Variants in SLC19A1 observed in about 807,000 individuals in gnomAD.
SLC19A1 encodes reduced folate transporter.
SLC19A1 carries 37 observed loss-of-function variants against 35.3 expected under a neutral mutation model. The ratio of observed to expected loss-of-function variants is 1.05; its 90% CI spans 0.81 to 1.38. The LOEUF (loss-of-function observed/expected upper bound fraction) is 1.38. Ranked by LOEUF, SLC19A1 falls within the 40% of genes most tolerant of loss-of-function variation. SLC19A1 has a pLI of 0.00. For synonymous variants in SLC19A1, 460 were observed against 398.5 expected (o/e 1.15, Z -1.84); for missense variants, 831 against 826.9 (o/e 1.00, Z -0.06).
intron 1 of SLC19A1, among the ~76,000 whole-genome samples, chr21:45,539,948 T>C (rs2078251411): frequency 6.6e-6 from 1 of 152,064 alleles, no homozygotes; most frequent in Non-Finnish European, 1.5e-5. Context: ...GCCAGGACCC[T>C]AGAAGTTCTC....
chr21:45,516,035 G>C lies in SLC19A1; in HGVS notation c.1399C>G (p.Pro467Ala), dbSNP rs780934095. Residue 467 changes from proline (P) to alanine (A), a missense_variant, in exon 6 of 6, where the codon CCC becomes GCC. Pro to Ala is a conservative substitution (Grantham distance 27, BLOSUM62 -1). Transcript: ENST00000311124. ...HCQRGHHPRQ[P>A]PAQGLRSAAE... ...GCACTCCTCAGGCCCTGGGCCGGGG[G>C]CTGCCGCGGGTGGTGGCCCCGCTGG... 1 of 1,580,086 alleles carries C rather than the reference G, an allele frequency of 6.3e-7. No individual in the cohort carries two copies. Among genetic ancestry groups the C allele is most frequent in the Admixed American group, 1.9e-5 (1 of 53,104 alleles).
chr21:45,559,272 A>G (rs1272137612), intron 1 of SLC19A1, among the ~76,000 whole-genome samples: 1 of 152,208 alleles, frequency 6.6e-6, no homozygotes, highest in African/African-American at 2.4e-5. Flanking sequence ...GTGTGGAAAC[A>G]TCGCAACGTT....
intron 5 of SLC19A1, among the ~76,000 whole-genome samples, chr21:45,518,071 C>T (rs751733850): frequency 1.8e-4 from 27 of 152,076 alleles, no homozygotes; most frequent in African/African-American, 6.5e-4. Context: ...CAGTAGAATT[C>T]GCCAAGAAAG....
Position 45,530,729 on chromosome 21 carries a change from G to T in SLC19A1, c.1151+41C>A. ...CAGCGAAGCGCGGGGCTTGATCCTG[G>T]CGCCTGCCCGCCCCCGGCTTCCCAC... On this transcript the variant is annotated intron_variant, in intron 4 of 5. Transcript: ENST00000311124. This position sits in a 1 kb window ranked among gnomAD's most constrained non-coding sequence, Gnocchi z 5.3. 2 of 1,538,166 alleles carry T rather than the reference G, an allele frequency of 1.3e-6. No homozygotes were observed. The highest frequency in any genetic ancestry group is 1.8e-6 in the Non-Finnish European group (2 of 1,138,590).
intron 1 of SLC19A1, among the ~76,000 whole-genome samples, chr21:45,538,540 G>A (rs1418769540): frequency 6.6e-6 from 1 of 152,206 alleles, no homozygotes; most frequent in African/African-American, 2.4e-5. Context: ...CCAGCGGCGG[G>A]TGGCTGCAGG....
chr21:45,528,404 C>A (rs2077725527), intron 4 of SLC19A1, among the ~76,000 whole-genome samples: 1 of 152,080 alleles, frequency 6.6e-6, no homozygotes, highest in Admixed American at 6.5e-5. Flanking sequence ...CGAGTCCCAA[C>A]AGAGTCAGGA....
intron 4 of SLC19A1, among the ~76,000 whole-genome samples, chr21:45,527,622 G>T (rs1602768032): frequency 4.5e-5 from 3 of 66,282 alleles, no homozygotes; most frequent in Non-Finnish European, 6.4e-5. Flanking sequence ...TGGCAGCCAG[G>T]CAGGGCGGGC....
In SLC19A1 at chr21:45,531,496, T is replaced by C. The variant is rs2146357747; in HGVS notation, c.842A>G (p.Tyr281Cys). ...GTGCACGTAGTAGACCACCAGGTAG[T>C]AGCCGGCCGAGTTGAAGACCCACCA... ...SLWWVFNSAG[Y>C]YLVVYYVHIL... Residue 281 changes from tyrosine (Y) to cysteine (C), a missense_variant, in exon 3 of 6, where the codon TAC becomes TGC. Physicochemically the swap from Tyr to Cys is radical, Grantham distance 194. Coordinates refer to ENST00000311124, the MANE Select transcript of SLC19A1 (RefSeq NM_194255.4). 2 of 1,612,760 alleles carry C rather than the reference T, an allele frequency of 1.2e-6. No individual in the cohort carries two copies. Among genetic ancestry groups the C allele is most frequent in the Non-Finnish European group, 1.7e-6 (2 of 1,179,786 alleles).
Position 45,515,553 on chromosome 21 carries a change from A to G in SLC19A1, c.*105T>C. 1 of 1,553,632 alleles carries G rather than the reference A, an allele frequency of 6.4e-7. No individual in the cohort carries two copies. The highest frequency in any genetic ancestry group is 1.4e-5 in the African/African-American group (1 of 72,656). ...GGGGAATCCTAGGGGGCCTGCTAGC[A>G]GGATAAGCGGAGGCCCCCATTGCTA... is the stretch of plus-strand genomic sequence containing the variant. On this transcript the variant is annotated 3_prime_UTR_variant, in exon 6 of 6. Transcript: ENST00000311124.
chr21:45,561,627 G>A (rs922240667), intron 1 of SLC19A1, among the ~76,000 whole-genome samples: 6 of 152,114 alleles, frequency 3.9e-5, no homozygotes, highest in African/African-American at 1.4e-4. Context: ...CAAGTGTGGT[G>A]GCATGCACCT....
At position 45,515,387 on chromosome 21, in the gene SLC19A1, G is replaced by A. The variant is rs924569156; in HGVS notation, c.*271C>T. ...CCCCCAAGGGGCATGAGCCAGTGAG[G>A]CCTGGTGGACGCAGAAGCCCACCAC... On this transcript the variant is annotated 3_prime_UTR_variant, in exon 6 of 6. Coordinates refer to ENST00000311124, the MANE Select transcript of SLC19A1 (RefSeq NM_194255.4). The A allele has an allele frequency of 2.1e-6, 3 of 1,436,654 alleles. No individual in the cohort carries two copies. The highest frequency in any genetic ancestry group is 2.7e-6 in the Non-Finnish European group (3 of 1,103,744). 89.0% of individuals were successfully genotyped at this position (1,436,654 alleles called of 1,614,324 possible). A position where few individuals can be genotyped will look rare whatever the true frequency, so the allele number is the denominator to read the frequency against.
At chr21:45,556,983 G>T (rs892740219) in intron 1 of SLC19A1, among the ~76,000 whole-genome samples, 1 of 152,280 alleles carries the variant, frequency 6.6e-6, no homozygotes, top group South Asian at 2.1e-4. Flanking sequence ...CTCCTGGGAC[G>T]GCGCCTCAGA....
chr21:45,503,557 A>G lies in SLC19A1; in HGVS notation c.498-4945T>C, dbSNP rs978944813. Among the ~76,000 whole-genome samples, 28 of 146,998 alleles carry G rather than the reference A, an allele frequency of 1.9e-4. 1 individual carries two copies. The highest frequency in any genetic ancestry group is 1.9e-3 in the Admixed American group (27 of 14,186). The stretch of plus-strand genomic sequence containing the variant: ...AAGAACAAAAAACCAAACACCGCAT[A>G]TTCTCACTCATAGGTGGGAACTGAA... On this transcript the variant is annotated intron_variant, in intron 3 of 4. Coordinates refer to the SLC19A1 transcript ENST00000417954.
chr21:45,526,330 T>C (rs1270268263), intron 4 of SLC19A1, among the ~76,000 whole-genome samples: 4 of 152,356 alleles, frequency 2.6e-5, no homozygotes, highest in South Asian at 2.1e-4. Flanking sequence ...GCATTTATGC[T>C]CATATGCACT....
rs1568962655 is a variant in SLC19A1 at position 45,514,262 on chromosome 21, C to A, written c.*1396G>T. ...CCAGGAAATGGCTGGTGCAGACCCC[C>A]CCCCAAGCAGGGTCCCCAGGGTGGC... On this transcript the variant is annotated 3_prime_UTR_variant, in exon 6 of 6. Transcript: ENST00000311124. 6.6e-6 allele frequency: 1 copy of A among 152,020 alleles called. No individual in the cohort carries two copies. The highest frequency in any genetic ancestry group is 6.5e-5 in the Admixed American group (1 of 15,276). 9.4% of individuals were successfully genotyped at this position (152,020 alleles called of 1,614,324 possible).
Position 45,517,653 on chromosome 21 carries a change from TCCTG to T in SLC19A1, c.1294-1517_1294-1514del, listed in dbSNP as rs1192458690. Among the ~76,000 whole-genome samples, 1 of 38,410 alleles carries T rather than the reference TCCTG, an allele frequency of 2.6e-5. No homozygotes were observed. Among genetic ancestry groups the T allele is most frequent in the East Asian group, 1.0e-3 (1 of 956 alleles). 25.2% of individuals were successfully genotyped at this position (38,410 alleles called of 152,430 possible). On this transcript the variant is annotated intron_variant, in intron 5 of 5. Transcript: ENST00000311124. The surrounding 1 kb of genome is among the most constrained non-coding windows in gnomAD (Gnocchi z 4.4). ...TCACCCAGTAGTAAGAGCGTGCCTGTCCTGTCCCCCTCCATGCTGGGGGGTGTCA... is the reference window on the plus strand; with the variant it reads ...TCACCCAGTAGTAAGAGCGTGCCTGTTCCCCCTCCATGCTGGGGGGTGTCA...
Position 45,534,601 on chromosome 21 carries a change from C to A in SLC19A1, c.190-2453G>T. ...CAGGAGCTGGCTCTGCAGGCTGGGGCCTCATCAGGCACCTCCTGGTCTTAG... is the reference window on the plus strand; with the variant it reads ...CAGGAGCTGGCTCTGCAGGCTGGGGACTCATCAGGCACCTCCTGGTCTTAG... On this transcript the variant is annotated intron_variant, in intron 2 of 5. Transcript: ENST00000311124. The surrounding 1 kb of genome is among the most constrained non-coding windows in gnomAD (Gnocchi z 4.2). The A allele has an allele frequency of 1.3e-6, 2 of 1,535,662 alleles. No homozygotes were observed. Among genetic ancestry groups the A allele is most frequent in the Non-Finnish European group, 1.7e-6 (2 of 1,146,842 alleles).
rs780226781 is a variant in SLC19A1 at position 45,532,113 on chromosome 21, G to C, written c.225C>G (p.Ser75=). ...ACACGGGCACCAGCACGGCCAGGTA[G>C]GAGTACGACAGCACCGGCGTGATCT... The part of the protein sequence containing the change: ...TNEITPVLSY[S]YLAVLVPVFL... The change falls in exon 3 of 6, where the codon TCC becomes TCG. Residue 75 remains serine, a synonymous_variant. Coordinates refer to ENST00000311124, the MANE Select transcript of SLC19A1 (RefSeq NM_194255.4). 4 of 1,609,998 alleles carry C rather than the reference G, an allele frequency of 2.5e-6. No homozygotes were observed. The South Asian group carries it at 3.3e-5, about 13-fold the overall frequency.
upstream of SLC19A1, chr21:45,542,590 C>A (rs1341673396): frequency 6.6e-6 from 1 of 150,602 alleles, no homozygotes; most frequent in Non-Finnish European, 1.5e-5. Flanking sequence ...CGTCTCCCAG[C>A]CCCGGCGCCG....
Sources: gnomAD v4.1 joint callset for allele counts (sites outside exome capture counted in the v4.1 genomes callset) on GRCh38, gnomAD v4.1.1 for gene constraint, Gnocchi (gnomAD v3.1) non-coding constraint, MANE v1.5 for transcripts, NCBI Gene and HGNC (gene_info 2026-07-23, HGNC 2026-07-21) for gene names.